The following RIN2 variants were observed in gnomAD, a reference collection of about 807,000 sequenced individuals.
The protein encoded by RIN2 is RAB5 interacting protein 2.
Under a neutral mutation model 78.0 loss-of-function variants are expected in RIN2, and 36 were observed. That is an observed-to-expected ratio of 0.46 (90% CI 0.35 to 0.61). The LOEUF (loss-of-function observed/expected upper bound fraction) is 0.61. RIN2 is among the 20% of genes least tolerant of loss of function. The pLI is 0.00. For synonymous variants in RIN2, 466 were observed against 466.8 expected, an observed-to-expected ratio of 1.00 and a Z score of 0.02; for missense variants, 1,087 against 1,159.7, an observed-to-expected ratio of 0.94 and a Z score of 0.91.
At chr20:19,765,528 A>G (rs932883443) in intron 1 of RIN2, among the ~76,000 whole-genome samples, 1 of 152,182 alleles carries the variant, frequency 6.6e-6, no homozygotes, top group African/African-American at 2.4e-5. Context: ...TCCAGGCTTC[A>G]AGGACCTAGC....
chr20:19,953,044 C>T (rs1166958529), intron 4 of RIN2, among the ~76,000 whole-genome samples: 3 of 152,196 alleles, frequency 2.0e-5, no homozygotes, highest in Non-Finnish European at 4.4e-5. Flanking sequence ...GCTTAACAAA[C>T]CCCAGGTGAC....
intron 6 of RIN2, among the ~76,000 whole-genome samples, chr20:19,962,809 T>C (rs2041808142): frequency 6.6e-6 from 1 of 152,000 alleles, no homozygotes; most frequent in African/African-American, 2.4e-5. Flanking sequence ...ACACAAAAAT[T>C]AGCCAGGTGT....
At chr20:19,912,715 G>A (rs1426736480) in intron 3 of RIN2, among the ~76,000 whole-genome samples, 1 of 152,028 alleles carries the variant, frequency 6.6e-6, no homozygotes, top group Non-Finnish European at 1.5e-5. Flanking sequence ...CTGAGCTCAA[G>A]TGATCCACTC....
Position 19,975,039 on chromosome 20 carries a change from C to A in RIN2, c.1014C>A (p.Val338=), listed in dbSNP as rs762216074. The change falls in exon 9 of 13, where the codon GTC becomes GTA. Residue 338 remains valine, a synonymous_variant. Coordinates refer to ENST00000255006, the MANE Select transcript of RIN2 (RefSeq NM_018993.4). The surrounding 1 kb of genome is among the most constrained non-coding windows in gnomAD (Gnocchi z 4.9). ...TETQTSMPET[V]NHNKHGNVAL... ...CCCAGACGAGCATGCCAGAAACAGTCAACCATAACAAACATGGGAACGTAG... is the reference window on the plus strand; with the variant it reads ...CCCAGACGAGCATGCCAGAAACAGTAAACCATAACAAACATGGGAACGTAG... The A allele has an allele frequency of 6.2e-7, 1 of 1,613,196 alleles. No individual in the cohort carries two copies. The highest frequency in any genetic ancestry group is 1.7e-5 in the Admixed American group (1 of 59,982).
At chr20:19,863,840 C>A (rs2123303387) in intron 2 of RIN2, among the ~76,000 whole-genome samples, 1 of 152,100 alleles carries the variant, frequency 6.6e-6, no homozygotes, top group African/African-American at 2.4e-5. Context: ...CAAAGATGAC[C>A]ATAGATGGGA....
chr20:20,000,723 G>T lies in RIN2; in HGVS notation c.2475G>T (p.Lys825Asn). The T allele has an allele frequency of 6.2e-7, 1 of 1,614,008 alleles. No individual in the cohort carries two copies. The highest frequency in any genetic ancestry group is 8.5e-7 in the Non-Finnish European group (1 of 1,179,890). Reference protein sequence around the residue: ...TEDVCQICAEKFKVGDPEEYS... With the variant: ...TEDVCQICAENFKVGDPEEYS... ...ATGTGTGTCAGATCTGCGCTGAGAA[G>T]TTCAAGGTGGGGGACCCTGAGGAGT... The change falls in exon 13 of 13, where the codon AAG becomes AAT. Residue 825 changes from lysine to asparagine, a missense_variant. Physicochemically the swap from Lys to Asn is moderately conservative, Grantham distance 94. Transcript: ENST00000255006.
At chr20:19,889,009 A>G (rs1044336284) in intron 2 of RIN2, 23 of 446,874 alleles carry the variant, frequency 5.1e-5, no homozygotes, top group African/African-American at 4.7e-4. Context: ...CCGTGAACTG[A>G]TCCCTGTAAA....
intron 2 of RIN2, among the ~76,000 whole-genome samples, chr20:19,864,329 G>T (rs1169559511): frequency 1.3e-5 from 2 of 152,102 alleles, no homozygotes; most frequent in Non-Finnish European, 2.9e-5. Context: ...AAGCTTTTTG[G>T]CAAAACATTC....
At chr20:19,899,841 C>T (rs2038901831) in intron 3 of RIN2, among the ~76,000 whole-genome samples, 1 of 152,150 alleles carries the variant, frequency 6.6e-6, no homozygotes, top group Non-Finnish European at 1.5e-5. Flanking sequence ...TCGTTAGAAG[C>T]CAGTCAATAA....
intron 1 of RIN2, among the ~76,000 whole-genome samples, chr20:19,768,364 G>A (rs1232445761): frequency 6.6e-6 from 1 of 152,242 alleles, no homozygotes; most frequent in Non-Finnish European, 1.5e-5. Flanking sequence ...GAAACAGTGG[G>A]AGCCCCACAA....
chr20:19,916,184 G>A (rs748678198), intron 3 of RIN2, among the ~76,000 whole-genome samples: 1 of 152,204 alleles, frequency 6.6e-6, no homozygotes, highest in Non-Finnish European at 1.5e-5. Context: ...AGATTGCAGT[G>A]AGCTGAGATA....
Position 19,848,980 on chromosome 20 carries a change from T to G in RIN2, c.-36-40586T>G, listed in dbSNP as rs552721906. Reference sequence around the variant, plus strand: ...CAGTCGGCCATTTAGTTGTCCAAACTCATCTGGCTTTCCTCAGGTCTCTGT... The same window carrying G: ...CAGTCGGCCATTTAGTTGTCCAAACGCATCTGGCTTTCCTCAGGTCTCTGT... On this transcript the variant is annotated intron_variant, in intron 2 of 12. Transcript: ENST00000255006. Among the ~76,000 whole-genome samples the G allele has an allele frequency of 4.6e-5, 7 of 152,318 alleles. No homozygotes were observed. In the East Asian group the frequency reaches 1.4e-3, roughly 29 times the overall value.
At chr20:19,761,278 G>T (rs949043044) in intron 1 of RIN2, among the ~76,000 whole-genome samples, 3 of 152,208 alleles carry the variant, frequency 2.0e-5, no homozygotes, top group Non-Finnish European at 2.9e-5. Flanking sequence ...CTGCCCAGAG[G>T]CACACTCCAT....
At chr20:19,845,665 C>T (rs2036758745) in intron 2 of RIN2, among the ~76,000 whole-genome samples, 1 of 151,864 alleles carries the variant, frequency 6.6e-6, no homozygotes, top group African/African-American at 2.4e-5. Flanking sequence ...AATTTTCTCC[C>T]ATTCTATAGG....
chr20:19,969,535 G>A (rs2042039532), intron 7 of RIN2, among the ~76,000 whole-genome samples: 1 of 152,060 alleles, frequency 6.6e-6, no homozygotes, highest in Admixed American at 6.5e-5. Flanking sequence ...CTCCTTTCCT[G>A]CTTCACTTTT....
chr20:19,904,101 G>A (rs997836864), intron 3 of RIN2, among the ~76,000 whole-genome samples: 3 of 151,830 alleles, frequency 2.0e-5, no homozygotes, highest in Non-Finnish European at 2.9e-5. Context: ...GTGTGGTGGC[G>A]CACGTCTGTA....
chr20:19,997,440 G>A (rs2043004682), intron 12 of RIN2, among the ~76,000 whole-genome samples: 1 of 152,138 alleles, frequency 6.6e-6, no homozygotes. Context: ...TTCTTAGAAT[G>A]GACAGGTGGG....
At chr20:19,974,614 C>T (rs1326303766) in intron 8 of RIN2, 40 bp from the exon 9 acceptor site, 2 of 1,577,888 alleles carry the variant, frequency 1.3e-6, no homozygotes, top group Non-Finnish European at 1.7e-6. Flanking sequence ...TCTGAGTGTA[C>T]CGTATTTACA....
intron 3 of RIN2, 77 bp downstream of exon 3, chr20:19,889,735 C>T: frequency 8.5e-7 from 1 of 1,178,350 alleles, no homozygotes; most frequent in Non-Finnish European, 1.2e-6. Context: ...CTCCATGGAG[C>T]TGCTGAGGGA....
Sources: allele counts gnomAD v4.1 joint callset (sites outside exome capture counted in the v4.1 genomes callset), GRCh38; gene constraint gnomAD v4.1.1; non-coding constraint Gnocchi (gnomAD v3.1); transcripts MANE v1.5; gene names NCBI Gene and HGNC (gene_info 2026-07-23, HGNC 2026-07-21).